The following MALRD1 variants were observed in gnomAD, a reference collection of about 807,000 sequenced individuals.
MALRD1 encodes MAM and LDL-receptor class A domain-containing protein 1.
In MALRD1, 247 loss-of-function variants were observed where a neutral mutation model predicts 242.1. The observed-to-expected ratio is 1.02, with a 90% CI of 0.92 to 1.13. The LOEUF (loss-of-function observed/expected upper bound fraction) is 1.13, where lower values mean the gene tolerates loss of function less well. Ranked by LOEUF, MALRD1 falls within the 50% of genes most tolerant of loss-of-function variation. The probability of loss-of-function intolerance (pLI) is 0.00; values close to 1 mark genes in which losing one functional copy is unlikely to be tolerated. For missense variants in MALRD1, 2,989 were observed against 2,533.1 expected, an observed-to-expected ratio of 1.18 and a Z score of -3.86; for synonymous variants, 995 against 866.6, an observed-to-expected ratio of 1.15 and a Z score of -2.60.
At chr10:19,087,554 T>G (rs980455008) in intron 2 of MALRD1, among the ~76,000 whole-genome samples, 3 of 151,968 alleles carry the variant, frequency 2.0e-5, no homozygotes, top group Non-Finnish European at 2.9e-5. Context: ...TTCTTTTTTT[T>G]TTTTTTAAGT....
intron 33 of MALRD1, among the ~76,000 whole-genome samples, chr10:19,587,129 C>T (rs978353142): frequency 1.3e-5 from 2 of 152,236 alleles, no homozygotes; most frequent in African/African-American, 2.4e-5. Context: ...CACTGTCTGG[C>T]ACTCCCTAGT....
intron 11 of MALRD1, among the ~76,000 whole-genome samples, chr10:19,152,707 T>C (rs1833987474): frequency 1.3e-5 from 2 of 152,140 alleles, no homozygotes; most frequent in African/African-American, 4.8e-5. Context: ...TAAATGATAC[T>C]ATAATTATAA....
chr10:19,727,768 A>ATTT (rs5783695), intron 38 of MALRD1, among the ~76,000 whole-genome samples: 3 of 146,600 alleles, frequency 2.0e-5, no homozygotes, highest in Non-Finnish European at 1.5e-5. Context: ...CAAACATTGC[A>ATTT]TTTTTTTTTT....
chr10:19,483,961 T>C (rs904089007), intron 29 of MALRD1, among the ~76,000 whole-genome samples: 2 of 152,160 alleles, frequency 1.3e-5, no homozygotes, highest in Non-Finnish European at 2.9e-5. Context: ...AGGAATGATA[T>C]ATCCTTTGCA....
intron 8 of MALRD1, among the ~76,000 whole-genome samples, chr10:19,133,218 G>A (rs558854470): frequency 2.4e-4 from 36 of 152,186 alleles, no homozygotes; most frequent in South Asian, 2.1e-3. Flanking sequence ...ATAGCATGTA[G>A]TAACAATTTT....
intron 5 of MALRD1, among the ~76,000 whole-genome samples, chr10:19,109,494 C>T (rs1467836475): frequency 2.6e-5 from 4 of 152,200 alleles, no homozygotes; most frequent in African/African-American, 9.6e-5. Context: ...ATCTCATAAG[C>T]TTGGCCACCG....
At chr10:19,546,948 C>T (rs1034428809) in intron 32 of MALRD1, among the ~76,000 whole-genome samples, 2 of 152,070 alleles carry the variant, frequency 1.3e-5, no homozygotes, top group Admixed American at 1.3e-4. Flanking sequence ...ACTAAAAGAA[C>T]AGTAATTCAG....
At chr10:19,152,541 G>A (rs1030103253) in intron 11 of MALRD1, among the ~76,000 whole-genome samples, 1 of 151,624 alleles carries the variant, frequency 6.6e-6, no homozygotes, top group Non-Finnish European at 1.5e-5. Flanking sequence ...TATAAATCAT[G>A]TCCCTTTTCT....
chr10:19,207,510 TGA>T (rs1836836111), intron 17 of MALRD1, among the ~76,000 whole-genome samples: 1 of 152,070 alleles, frequency 6.6e-6, no homozygotes, highest in South Asian at 2.1e-4. Context: ...TTTGTTTGTT[TGA>T]TTTTTTTAGA....
At chr10:19,701,254 C>T (rs560120779) in intron 38 of MALRD1, among the ~76,000 whole-genome samples, 2 of 152,254 alleles carry the variant, frequency 1.3e-5, no homozygotes, top group African/African-American at 2.4e-5. Context: ...AAAGGTTCAG[C>T]CTACTCAAGG....
chr10:19,238,556 AT>A (rs1838593071), intron 18 of MALRD1, among the ~76,000 whole-genome samples: 1 of 83,916 alleles, frequency 1.2e-5, no homozygotes, highest in East Asian at 3.2e-4. Context: ...TATAATGTAT[AT>A]TATATATAAT....
intron 36 of MALRD1, 90 bp downstream of exon 36, chr10:19,616,013 A>G: frequency 1.1e-6 from 1 of 917,790 alleles, no homozygotes; most frequent in Non-Finnish European, 1.6e-6. Context: ...AGCATCAATC[A>G]GTTTGTGGTT....
intron 36 of MALRD1, among the ~76,000 whole-genome samples, chr10:19,640,844 C>A (rs889191893): frequency 6.6e-6 from 1 of 151,936 alleles, no homozygotes; most frequent in East Asian, 1.9e-4. Context: ...ATAGTAAGTT[C>A]TTGTTTTTCT....
intron 36 of MALRD1, among the ~76,000 whole-genome samples, chr10:19,677,453 A>G (rs1161726821): frequency 6.6e-6 from 1 of 152,194 alleles, no homozygotes. Flanking sequence ...TGTTGGCTGC[A>G]TAAGTATCTT....
chr10:19,173,059 G>A (rs1440421365), intron 13 of MALRD1, among the ~76,000 whole-genome samples: 1 of 151,882 alleles, frequency 6.6e-6, no homozygotes, highest in Non-Finnish European at 1.5e-5. Flanking sequence ...TAAAGCAACA[G>A]TCCCTGCTGA....
chr10:19,125,282 TTTCTTTCTTTCCTTCCTTCCTTCC>T, intron 7 of MALRD1, among the ~76,000 whole-genome samples: 1 of 97,358 alleles, frequency 1.0e-5, no homozygotes, highest in Admixed American at 1.2e-4. Context: ...TCTTTCTTTC[TTTCTTTCTTTCCTTCCTTCCTTCC>T]TTCCTTCCTT....
At chr10:19,515,921 A>G (rs1006833711) in intron 31 of MALRD1, among the ~76,000 whole-genome samples, 2 of 152,186 alleles carry the variant, frequency 1.3e-5, no homozygotes, top group Non-Finnish European at 2.9e-5. Context: ...TAAGGACATC[A>G]TTCACATGGG....
At position 19,426,493 on chromosome 10, in the gene MALRD1, C is replaced by T. The variant is rs142868006; in HGVS notation, c.4846-23814C>T. Among the ~76,000 whole-genome samples, 558 of 152,214 alleles carry T rather than the reference C, an allele frequency of 3.7e-3. 3 individuals are homozygous for T. Among genetic ancestry groups the T allele is most frequent in the African/African-American group, 0.013 (543 of 41,528 alleles). On this transcript the variant is annotated intron_variant, in intron 28 of 39. Coordinates refer to ENST00000454679, the MANE Select transcript of MALRD1 (RefSeq NM_001142308.3). ...TATATGTAATTTTTCCTACTAGCCA[C>T]ATGCAGTTTTAAAATTTTCAAGCTT... is the stretch of plus-strand genomic sequence containing the variant.
chr10:19,717,068 T>C (rs899130224), intron 38 of MALRD1, among the ~76,000 whole-genome samples: 3 of 152,248 alleles, frequency 2.0e-5, no homozygotes, highest in Admixed American at 6.5e-5. Flanking sequence ...AGGTGTTTTA[T>C]TTGATTTAAG....
Sources: allele counts gnomAD v4.1 joint callset (sites outside exome capture counted in the v4.1 genomes callset), GRCh38; gene constraint gnomAD v4.1.1; transcripts MANE v1.5; gene names NCBI Gene and HGNC (gene_info 2026-07-23, HGNC 2026-07-21).